EFCAB6: variants seen among roughly 807,000 people sequenced by gnomAD.
The protein encoded by EFCAB6 is EF-hand calcium-binding domain-containing protein 6.
In EFCAB6, 156 loss-of-function variants were observed where a neutral mutation model predicts 169.8. That is an observed-to-expected ratio of 0.92 (90% CI 0.81 to 1.05). EFCAB6 has a LOEUF of 1.05. Among genes scored for constraint, EFCAB6 ranks in the 50% least tolerant of loss-of-function variants. The pLI, the probability that EFCAB6 is intolerant of heterozygous loss-of-function variation, is 0.00. For synonymous variants in EFCAB6, 698 were observed against 676.4 expected (o/e 1.03, Z -0.50); for missense variants, 1,800 against 1,829.1 (o/e 0.98, Z 0.29).
At chr22:43,675,138 A>G (rs977723921) in intron 13 of EFCAB6, among the ~76,000 whole-genome samples, 5 of 148,844 alleles carry the variant, frequency 3.4e-5, no homozygotes, top group African/African-American at 4.9e-5. Context: ...GGAATTTTAT[A>G]TATATTATAA....
At chr22:43,785,347 A>C (rs182166783) in intron 2 of EFCAB6, among the ~76,000 whole-genome samples, 1 of 152,330 alleles carries the variant, frequency 6.6e-6, no homozygotes, top group Non-Finnish European at 1.5e-5. Flanking sequence ...ACCATACAGA[A>C]TGAAAACAGA....
In EFCAB6 at chr22:43,782,182, G is replaced by A. The variant is rs779843971; in HGVS notation, c.137C>T (p.Ser46Leu). Reference sequence around the variant, plus strand: ...CTTATTTGCTCATGAATACTTACTTGAAGAAGATCTGAACTTATTTGGGGA... The same window carrying A: ...CTTATTTGCTCATGAATACTTACTTAAAGAAGATCTGAACTTATTTGGGGA... ...NGSPNKFRSS[S>L]TTAVANPTLS... The change falls in exon 3 of 32, where the codon TCA becomes TTA. Residue 46 changes from serine (S) to leucine (L), a missense_variant and splice_region_variant. Ser to Leu is a moderately radical substitution (Grantham distance 145). Coordinates refer to ENST00000262726, the MANE Select transcript of EFCAB6 (RefSeq NM_022785.4). 6.2e-7 allele frequency: 1 copy of A among 1,611,476 alleles called. No homozygotes were observed. Among genetic ancestry groups the A allele is most frequent in the Non-Finnish European group, 8.5e-7 (1 of 1,179,102 alleles).
chr22:43,766,003 A>G (rs1290590179), intron 4 of EFCAB6, among the ~76,000 whole-genome samples: 2 of 152,158 alleles, frequency 1.3e-5, no homozygotes, highest in African/African-American at 4.8e-5. Flanking sequence ...GAACTATGAT[A>G]CAAGCAACTT....
chr22:43,642,245 T>C (rs1413266104), intron 17 of EFCAB6, among the ~76,000 whole-genome samples: 1 of 152,184 alleles, frequency 6.6e-6, no homozygotes, highest in Non-Finnish European at 1.5e-5. Flanking sequence ...CCGGCTGAGA[T>C]TGGCTTTTTA....
intron 24 of EFCAB6, among the ~76,000 whole-genome samples, chr22:43,586,380 G>A (rs1276796899): frequency 3.4e-5 from 2 of 58,676 alleles, no homozygotes; most frequent in African/African-American, 1.4e-4. Flanking sequence ...ACGTGGTCTC[G>A]CTTTTTTTGT....
At position 43,698,731 on chromosome 22, in the gene EFCAB6, C is replaced by T. The variant is rs146407470; in HGVS notation, c.1032-11150G>A. On this transcript the variant is annotated intron_variant, in intron 10 of 31. Coordinates refer to ENST00000262726, the MANE Select transcript of EFCAB6 (RefSeq NM_022785.4). Reference sequence around the variant, plus strand: ...TAAAGAGAACCCCAAGGACTGAGTTCCCTGAGGAAAGGTGGGTAACTCACC... The same window carrying T: ...TAAAGAGAACCCCAAGGACTGAGTTTCCTGAGGAAAGGTGGGTAACTCACC... 2.6e-5 allele frequency among the ~76,000 whole-genome samples: 4 copies of T among 152,204 alleles called. No homozygotes were observed. In the East Asian group the frequency reaches 7.7e-4, roughly 29 times the overall value.
intron 3 of EFCAB6, among the ~76,000 whole-genome samples, chr22:43,776,447 G>A (rs925785495): frequency 6.6e-6 from 1 of 152,210 alleles, no homozygotes; most frequent in Admixed American, 6.5e-5. Flanking sequence ...GGGTCATGGC[G>A]CACAGTGACA....
At chr22:43,626,413 A>G in intron 20 of EFCAB6, 34 bp downstream of exon 20, 2 of 1,599,330 alleles carry the variant, frequency 1.3e-6, no homozygotes, top group Non-Finnish European at 1.7e-6. Flanking sequence ...GGGCCGGCAT[A>G]TATTAAAGAC....
At chr22:43,610,747 TA>T (rs1034803287) in intron 21 of EFCAB6, among the ~76,000 whole-genome samples, 11 of 152,070 alleles carry the variant, frequency 7.2e-5, no homozygotes, top group Admixed American at 3.3e-4. Context: ...AATTATGCTT[TA>T]AAAAAAATTG....
chr22:43,537,430 C>A lies in EFCAB6; in HGVS notation c.3995G>T (p.Cys1332Phe). The change falls in exon 29 of 32, where the codon TGC becomes TTC. Residue 1332 changes from cysteine to phenylalanine, a missense_variant. Coordinates refer to ENST00000262726, the MANE Select transcript of EFCAB6 (RefSeq NM_022785.4). This position sits in a 1 kb window ranked among gnomAD's most constrained non-coding sequence, Gnocchi z 4.3. ...QGCWRQLLKE[C>F]KEKDVARQGD... Reference sequence around the variant, plus strand: ...CTGTCTGGCCACGTCCTTCTCCTTGCATTCTTTCAGGAGCTGGCGCCAGCA... The same window carrying A: ...CTGTCTGGCCACGTCCTTCTCCTTGAATTCTTTCAGGAGCTGGCGCCAGCA... 6.2e-7 allele frequency: 1 copy of A among 1,614,156 alleles called. No homozygotes were observed. The highest frequency in any genetic ancestry group is 8.5e-7 in the Non-Finnish European group (1 of 1,180,024).
chr22:43,602,601 GTAA>G (rs1229708316), intron 22 of EFCAB6, among the ~76,000 whole-genome samples: 1 of 152,130 alleles, frequency 6.6e-6, no homozygotes, highest in Non-Finnish European at 1.5e-5. Flanking sequence ...CCAGGACAAT[GTAA>G]TAATGCAACT....
At chr22:43,701,003 TAA>T (rs1201001702) in intron 10 of EFCAB6, among the ~76,000 whole-genome samples, 1 of 152,268 alleles carries the variant, frequency 6.6e-6, no homozygotes, top group East Asian at 1.9e-4. Context: ...AAAAGATAAA[TAA>T]AAGAGTCTAT....
At chr22:43,671,589 C>T (rs1292036520) in intron 15 of EFCAB6, among the ~76,000 whole-genome samples, 3 of 152,074 alleles carry the variant, frequency 2.0e-5, no homozygotes, top group Non-Finnish European at 4.4e-5. Context: ...CAAGATATTA[C>T]TAAAAAGCAA....
At chr22:43,808,137 T>G (rs2062984155) in intron 2 of EFCAB6, among the ~76,000 whole-genome samples, 1 of 152,248 alleles carries the variant, frequency 6.6e-6, no homozygotes, top group South Asian at 2.1e-4. Context: ...TGTATGGACT[T>G]TTTTCCTTGT....
At chr22:43,677,373 C>T (rs1400267589) in intron 13 of EFCAB6, among the ~76,000 whole-genome samples, 4 of 152,106 alleles carry the variant, frequency 2.6e-5, no homozygotes, top group South Asian at 4.1e-4. Context: ...TGTGGCCAGG[C>T]GCGGTGGCTC....
At chr22:43,773,166 T>C (rs1040903493) in intron 3 of EFCAB6, 63 bp from the exon 4 acceptor site, 53 of 1,534,006 alleles carry the variant, frequency 3.5e-5, no homozygotes, top group Non-Finnish European at 4.4e-5. Flanking sequence ...ACAGAAACTC[T>C]TGCACTGTTG....
chr22:43,563,228 G>A (rs1339640296), intron 26 of EFCAB6, among the ~76,000 whole-genome samples: 9 of 152,194 alleles, frequency 5.9e-5, no homozygotes, highest in African/African-American at 2.2e-4. Flanking sequence ...CCAGGGCTCA[G>A]GCTGCCCCTA....
At chr22:43,687,005 A>G (rs978100677) in intron 11 of EFCAB6, among the ~76,000 whole-genome samples, 2 of 152,238 alleles carry the variant, frequency 1.3e-5, no homozygotes, top group Non-Finnish European at 2.9e-5. Context: ...TAGACAAATA[A>G]TCTCCATGAC....
At chr22:43,724,220 C>T (rs2059638599) in intron 8 of EFCAB6, among the ~76,000 whole-genome samples, 1 of 152,152 alleles carries the variant, frequency 6.6e-6, no homozygotes, top group African/African-American at 2.4e-5. Context: ...CCTGTCACAC[C>T]ACCCTATGGC....
Sources: gnomAD v4.1 joint callset for allele counts (sites outside exome capture counted in the v4.1 genomes callset) on GRCh38, gnomAD v4.1.1 for gene constraint, Gnocchi (gnomAD v3.1) non-coding constraint, MANE v1.5 for transcripts, NCBI Gene and HGNC (gene_info 2026-07-23, HGNC 2026-07-21) for gene names.